AUTS2: variants seen among roughly 807,000 people sequenced by gnomAD.
AUTS2 encodes activator of transcription and developmental regulator AUTS2, also known as autism susceptibility gene 2 protein.
A neutral mutation model predicts 112.4 loss-of-function variants in AUTS2; 17 were observed. The observed-to-expected ratio is 0.15, with a 90% confidence interval of 0.10 to 0.23. The LOEUF (loss-of-function observed/expected upper bound fraction) is 0.23, where lower values mean the gene tolerates loss of function less well. Among genes scored for constraint, AUTS2 ranks in the 10% least tolerant of loss-of-function variants. The probability of loss-of-function intolerance (pLI) is 1.00; values close to 1 mark genes in which losing one functional copy is unlikely to be tolerated. For synonymous variants in AUTS2, 751 were observed against 702.7 expected (o/e 1.07, Z -1.09); for missense variants, 1,510 against 1,701.6 (o/e 0.89, Z 1.98).
At chr7:69,874,647 A>G (rs1258051421) in intron 1 of AUTS2, among the ~76,000 whole-genome samples, 1 of 151,758 alleles carries the variant, frequency 6.6e-6, no homozygotes. Flanking sequence ...AGCCCCAGGC[A>G]TTGCATCTAT....
chr7:69,710,433 G>A (rs961758052), intron 1 of AUTS2, among the ~76,000 whole-genome samples: 3 of 152,226 alleles, frequency 2.0e-5, no homozygotes, highest in African/African-American at 7.2e-5. Context: ...TCTTTGAGAT[G>A]CAGTAGACTG....
chr7:69,801,923 ATTTT>A (rs774967018), intron 1 of AUTS2, among the ~76,000 whole-genome samples: 211 of 152,230 alleles, frequency 1.4e-3, no homozygotes, highest in Admixed American at 2.4e-3. Flanking sequence ...GGGGCATGCA[ATTTT>A]AGATTCAGTG....
intron 1 of AUTS2, among the ~76,000 whole-genome samples, chr7:69,873,889 T>C (rs1793611454): frequency 6.6e-6 from 1 of 152,236 alleles, no homozygotes; most frequent in South Asian, 2.1e-4. Flanking sequence ...TATTGATACT[T>C]AATACCTATC....
At chr7:69,985,249 A>G (rs983231240) in intron 2 of AUTS2, among the ~76,000 whole-genome samples, 6 of 148,008 alleles carry the variant, frequency 4.1e-5, no homozygotes, top group Non-Finnish European at 9.0e-5. Flanking sequence ...AAAAAAAAAG[A>G]AAGGAAAAGA....
At chr7:69,633,334 A>C (rs1298583553) in intron 1 of AUTS2, among the ~76,000 whole-genome samples, 2 of 151,834 alleles carry the variant, frequency 1.3e-5, no homozygotes, top group Non-Finnish European at 2.9e-5. Context: ...CACACCCCCC[A>C]CAGTTTATCC....
intron 5 of AUTS2, among the ~76,000 whole-genome samples, chr7:70,618,786 A>C (rs997417844): frequency 6.6e-6 from 1 of 152,178 alleles, no homozygotes; most frequent in Non-Finnish European, 1.5e-5. Context: ...GAAAAAAAAG[A>C]GAAACACAAA....
chr7:69,787,794 C>G (rs189261583), intron 1 of AUTS2, among the ~76,000 whole-genome samples: 1 of 152,156 alleles, frequency 6.6e-6, no homozygotes, highest in Admixed American at 6.5e-5. Context: ...GGGCTGGTCT[C>G]GAACTCCTGA....
chr7:70,187,643 C>G (rs530075532), intron 4 of AUTS2, among the ~76,000 whole-genome samples: 1 of 152,218 alleles, frequency 6.6e-6, no homozygotes, highest in South Asian at 2.1e-4. Context: ...ATCACGTGAA[C>G]TTATTATTCA....
intron 1 of AUTS2, among the ~76,000 whole-genome samples, chr7:69,850,076 C>T (rs1489484253): frequency 1.3e-5 from 2 of 151,854 alleles, no homozygotes; most frequent in Non-Finnish European, 2.9e-5. Context: ...GGGTGGATCA[C>T]CTGAGGTCAG....
intron 6 of AUTS2, among the ~76,000 whole-genome samples, chr7:70,759,688 G>A (rs1789434752): frequency 6.6e-6 from 1 of 152,200 alleles, no homozygotes; most frequent in South Asian, 2.1e-4. Context: ...AACTCCAGTG[G>A]CCTTTCCGGG....
chr7:70,098,873 TTTA>T (rs1174409108), intron 2 of AUTS2, among the ~76,000 whole-genome samples: 3 of 152,118 alleles, frequency 2.0e-5, no homozygotes, highest in African/African-American at 7.2e-5. Context: ...CAGCTAATTT[TTTA>T]TTTTTAGTAG....
intron 2 of AUTS2, among the ~76,000 whole-genome samples, chr7:69,976,742 T>C (rs1798075005): frequency 6.6e-6 from 1 of 152,234 alleles, no homozygotes; most frequent in Non-Finnish European, 1.5e-5. Context: ...GTGTATTATC[T>C]TTGGAGAAAT....
At chr7:69,657,565 T>C (rs1795601141) in intron 1 of AUTS2, among the ~76,000 whole-genome samples, 1 of 152,104 alleles carries the variant, frequency 6.6e-6, no homozygotes, top group Non-Finnish European at 1.5e-5. Flanking sequence ...TGGCCTGGAA[T>C]GATAATTAAA....
At chr7:69,862,065 T>C (rs1175212160) in intron 1 of AUTS2, among the ~76,000 whole-genome samples, 1 of 152,234 alleles carries the variant, frequency 6.6e-6, no homozygotes, top group Non-Finnish European at 1.5e-5. Context: ...ACATTAAAGA[T>C]GGTATCCTTT....
At chr7:70,064,653 A>G (rs774880091) in intron 2 of AUTS2, among the ~76,000 whole-genome samples, 5 of 152,172 alleles carry the variant, frequency 3.3e-5, no homozygotes, top group African/African-American at 1.2e-4. Context: ...AGACATAAAG[A>G]CTTAAAGGCA....
intron 2 of AUTS2, among the ~76,000 whole-genome samples, chr7:70,031,411 G>T (rs1412754652): frequency 2.0e-5 from 3 of 152,100 alleles, no homozygotes; most frequent in African/African-American, 7.2e-5. Context: ...GCATAATAGT[G>T]GCAGTCAGAC....
At chr7:70,072,874 C>G (rs1280901371) in intron 2 of AUTS2, among the ~76,000 whole-genome samples, 2 of 152,166 alleles carry the variant, frequency 1.3e-5, no homozygotes, top group East Asian at 3.8e-4. Flanking sequence ...AGAGTAAGTT[C>G]TAATCACAAG....
chr7:69,836,272 T>C (rs978843858), intron 1 of AUTS2, among the ~76,000 whole-genome samples: 2 of 152,206 alleles, frequency 1.3e-5, no homozygotes, highest in Admixed American at 6.5e-5. Context: ...GAGTGATACA[T>C]GTGATGTCTT....
intron 4 of AUTS2, among the ~76,000 whole-genome samples, chr7:70,170,447 G>A (rs1217959616): frequency 6.6e-6 from 1 of 151,896 alleles, no homozygotes; most frequent in Non-Finnish European, 1.5e-5. Context: ...ACTGCGCCTA[G>A]CCTAAATATA....
Sources: allele counts gnomAD v4.1 joint callset (sites outside exome capture counted in the v4.1 genomes callset), GRCh38; gene constraint gnomAD v4.1.1; transcripts MANE v1.5; gene names NCBI Gene and HGNC (gene_info 2026-07-23, HGNC 2026-07-21).